Variants in SUGP1 observed in about 807,000 individuals in gnomAD.
The protein encoded by SUGP1 is SURP and G-patch domain containing 1.
Under a neutral mutation model 76.5 loss-of-function variants are expected in SUGP1, and 34 were observed. The ratio of observed to expected loss-of-function variants is 0.44; its 90% confidence interval spans 0.34 to 0.59. The LOEUF (loss-of-function observed/expected upper bound fraction) is 0.59, where lower values mean the gene tolerates loss of function less well. Among genes scored for constraint, SUGP1 ranks in the 20% least tolerant of loss-of-function variants. The pLI, the probability that SUGP1 is intolerant of heterozygous loss-of-function variation, is 0.01. For synonymous variants in SUGP1, 326 were observed against 326.2 expected, an observed-to-expected ratio of 1.00 and a Z score of 0.01; for missense variants, 752 against 851.7, an observed-to-expected ratio of 0.88 and a Z score of 1.46.
chr19:19,300,729 G>A (rs1228366635), intron 7 of SUGP1, among the ~76,000 whole-genome samples: 2 of 152,178 alleles, frequency 1.3e-5, no homozygotes, highest in South Asian at 4.1e-4. Context: ...TCCTCTGGCT[G>A]CCCGGGGTAC....
chr19:19,293,367 C>A (rs71332146), intron 8 of SUGP1, among the ~76,000 whole-genome samples: 1 of 150,990 alleles, frequency 6.6e-6, no homozygotes, highest in African/African-American at 2.4e-5. Context: ...GCGGATCACC[C>A]GAGGTCAGGA....
At chr19:19,309,970 G>A (rs1461944049) in intron 3 of SUGP1, 127 bp downstream of exon 3, 4 of 636,440 alleles carry the variant, frequency 6.3e-6, no homozygotes, top group Middle Eastern at 8.7e-4. Context: ...ACGCATGGGT[G>A]GAATGAGGGC....
chr19:19,300,711 G>A (rs76237381), intron 7 of SUGP1, among the ~76,000 whole-genome samples: 3,448 of 152,248 alleles, frequency 0.023, 135 homozygotes, highest in African/African-American at 0.079. Context: ...GCTCCCTTCA[G>A]CCTCGTCTCC....
intron 3 of SUGP1, among the ~76,000 whole-genome samples, chr19:19,307,049 C>CT (rs955672648): frequency 2.3e-3 from 338 of 145,272 alleles, no homozygotes; most frequent in Non-Finnish European, 2.8e-3. Context: ...GGGACCTCAT[C>CT]TTTTTTTTTT....
chr19:19,319,706 CAAAAAAAAAA>C (rs570232030), intron 1 of SUGP1, among the ~76,000 whole-genome samples: 1,409 of 69,290 alleles, frequency 0.02, 35 homozygotes, highest in African/African-American at 0.06. Flanking sequence ...GACCCTGTCT[CAAAAAAAAAA>C]AAAAAAAAAA....
At chr19:19,313,617 G>T (rs1452788736) in intron 2 of SUGP1, among the ~76,000 whole-genome samples, 1 of 152,100 alleles carries the variant, frequency 6.6e-6, no homozygotes, top group South Asian at 2.1e-4. Flanking sequence ...GCTGAGGTGG[G>T]AAGATAGCTT....
At chr19:19,295,605 CAAAAAAA>C (rs55921805) in intron 8 of SUGP1, among the ~76,000 whole-genome samples, 2 of 66,810 alleles carry the variant, frequency 3.0e-5, no homozygotes, top group East Asian at 1.2e-3. Context: ...GACTCCTTCT[CAAAAAAA>C]AAAAAAAAAA....
chr19:19,277,254 G>GA (rs1555787452), intron 12 of SUGP1, among the ~76,000 whole-genome samples, 178 bp from the exon 13 acceptor site: 15 of 150,614 alleles, frequency 1.0e-4, no homozygotes, highest in African/African-American at 2.9e-4. Flanking sequence ...GGGCGGGCGG[G>GA]GGGGGGGGGC....
intron 8 of SUGP1, among the ~76,000 whole-genome samples, chr19:19,288,947 G>A (rs531293265): frequency 3.9e-4 from 59 of 151,930 alleles, no homozygotes; most frequent in African/African-American, 1.4e-3. Flanking sequence ...CACCATGCCC[G>A]GCTAATTTTT....
At chr19:19,289,089 T>C (rs897063467) in intron 8 of SUGP1, among the ~76,000 whole-genome samples, 2 of 151,762 alleles carry the variant, frequency 1.3e-5, no homozygotes, top group South Asian at 4.2e-4. Context: ...CGGCCTATAT[T>C]CAGATTTTCA....
chr19:19,310,620 G>GTC (rs1334263023), intron 2 of SUGP1, among the ~76,000 whole-genome samples: 1 of 151,702 alleles, frequency 6.6e-6, no homozygotes, highest in African/African-American at 2.4e-5. Context: ...GGGCCTACAT[G>GTC]TCTCTCTCTC....
chr19:19,283,962 T>C (rs1599847153), intron 8 of SUGP1, among the ~76,000 whole-genome samples: 1 of 152,256 alleles, frequency 6.6e-6, no homozygotes, highest in Admixed American at 6.5e-5. Flanking sequence ...CCTGTTGCTA[T>C]TGTAATGAGC....
chr19:19,303,973 G>C (rs989094499), intron 4 of SUGP1, 126 bp from the exon 5 acceptor site: 4 of 1,596,384 alleles, frequency 2.5e-6, no homozygotes, highest in African/African-American at 1.3e-5. Context: ...GGAGGCTGTC[G>C]GGCGTCCCGA....
chr19:19,303,240 C>T (rs940213691), intron 6 of SUGP1, 108 bp downstream of exon 6: 33 of 894,848 alleles, frequency 3.7e-5, no homozygotes, highest in Non-Finnish European at 4.7e-5. Flanking sequence ...CCTCAACCAC[C>T]GGTGCCACAC....
intron 8 of SUGP1, among the ~76,000 whole-genome samples, chr19:19,291,889 TCACACA>T (rs541521385): frequency 0.043 from 5,562 of 128,632 alleles, 156 homozygotes; most frequent in Non-Finnish European, 0.064. Context: ...TGAGACTCTG[TCACACA>T]CACACACACA....
In SUGP1 at chr19:19,276,680, G is replaced by A; in HGVS notation, c.1912-6C>T. 1.2e-6 allele frequency: 2 copies of A among 1,614,138 alleles called. No individual in the cohort carries two copies. Among genetic ancestry groups the A allele is most frequent in the South Asian group, 2.2e-5 (2 of 91,080 alleles). On this transcript the variant is annotated splice_polypyrimidine_tract_variant and splice_region_variant and intron_variant, in intron 13 of 13. Transcript: ENST00000247001. ...TAAGGCCGTCTGGGATTGTTCTGTG[G>A]AAGGCAAAACAGATAACAGGAGGAG...
chr19:19,316,339 A>C lies in SUGP1; in HGVS notation c.206+83T>G. ...TATGGCTGGGTGCAAGCACATGCTG[A>C]CTGCCCTCACAAGCCAAACCCTGTG... On this transcript the variant is annotated intron_variant, in intron 2 of 13. Coordinates refer to ENST00000247001, the MANE Select transcript of SUGP1 (RefSeq NM_172231.4). 29 of 1,531,630 alleles carry C rather than the reference A, an allele frequency of 1.9e-5. No homozygotes were observed. The South Asian group carries it at 3.5e-4, about 19-fold the overall frequency. 94.9% of individuals were successfully genotyped at this position (1,531,630 alleles called of 1,614,324 possible).
chr19:19,296,602 G>A (rs531423525), intron 8 of SUGP1, among the ~76,000 whole-genome samples: 8 of 150,410 alleles, frequency 5.3e-5, no homozygotes, highest in African/African-American at 2.0e-4. Context: ...AGCTGAAATC[G>A]CACCACTGCA....
In SUGP1 at chr19:19,286,006, GT is replaced by G. The variant is rs2061137502; in HGVS notation, c.1244-5716del. On this transcript the variant is annotated intron_variant, in intron 8 of 13. Transcript: ENST00000247001. ...ATAAACACCAGCTGCCCGTCTTCTG[GT>G]TATACAACAAGAAGGCCAGGGCAGG... Among the ~76,000 whole-genome samples, 3 of 152,166 alleles carry G rather than the reference GT, an allele frequency of 2.0e-5. No homozygotes were observed. The South Asian group carries it at 6.2e-4, about 32-fold the overall frequency.
Sources: allele counts gnomAD v4.1 joint callset (sites outside exome capture counted in the v4.1 genomes callset), GRCh38; gene constraint gnomAD v4.1.1; transcripts MANE v1.5; gene names NCBI Gene and HGNC (gene_info 2026-07-23, HGNC 2026-07-21).